Variants in KLF12 observed in about 807,000 individuals in gnomAD.
KLF12 encodes the protein KLF transcription factor 12.
Under a neutral mutation model 37.8 loss-of-function variants are expected in KLF12, and 9 were observed. The observed-to-expected ratio is 0.24, with a 90% CI of 0.14 to 0.42. KLF12 has a LOEUF of 0.42. Ranked by LOEUF, KLF12 falls within the 10% of genes least tolerant of loss-of-function variation. The pLI, the probability that KLF12 is intolerant of heterozygous loss-of-function variation, is 1.00. For synonymous variants in KLF12, 208 were observed against 202.1 expected (o/e 1.03, Z -0.25); for missense variants, 411 against 516.0 (o/e 0.80, Z 1.97).
At chr13:73,940,803 C>A (rs752058335) in intron 3 of KLF12, among the ~76,000 whole-genome samples, 2 of 152,084 alleles carry the variant, frequency 1.3e-5, no homozygotes, top group Non-Finnish European at 2.9e-5. Context: ...GAGAATGAGG[C>A]AAGGCAGCCA....
At chr13:73,856,619 C>T (rs1277759956) in intron 3 of KLF12, among the ~76,000 whole-genome samples, 1 of 152,042 alleles carries the variant, frequency 6.6e-6, no homozygotes, top group East Asian at 1.9e-4. Context: ...CATTCAACAT[C>T]TATCCCTAAC....
At chr13:74,246,956 T>G in the KLF12 span, among the ~76,000 whole-genome samples, 9 of 152,218 alleles carry the variant, frequency 5.9e-5, no homozygotes, top group Admixed American at 5.2e-4. Flanking sequence ...TGTAATTAAT[T>G]TAAAAAGAGA....
At chr13:74,120,316 T>C (rs1044373425) in intron 1 of KLF12, among the ~76,000 whole-genome samples, 2 of 152,096 alleles carry the variant, frequency 1.3e-5, no homozygotes. Flanking sequence ...ACCCTGTCTC[T>C]ACTAAAAATA....
intron 3 of KLF12, among the ~76,000 whole-genome samples, chr13:73,910,617 G>T (rs75638984): frequency 1.3e-5 from 2 of 152,250 alleles, no homozygotes; most frequent in African/African-American, 4.8e-5. Context: ...AGGATACAAA[G>T]TTTTAGATAA....
the KLF12 span, among the ~76,000 whole-genome samples, chr13:74,216,561 C>T: frequency 6.6e-6 from 1 of 152,174 alleles, no homozygotes; most frequent in Non-Finnish European, 1.5e-5. Context: ...CTTCTGCGTT[C>T]TTCAATTCTT....
At chr13:73,910,892 G>A (rs1888534823) in intron 3 of KLF12, among the ~76,000 whole-genome samples, 1 of 152,126 alleles carries the variant, frequency 6.6e-6, no homozygotes, top group African/African-American at 2.4e-5. Flanking sequence ...TTCATTAGAA[G>A]AGGAAGAGAC....
intron 1 of KLF12, among the ~76,000 whole-genome samples, chr13:74,052,371 C>T (rs1331848757): frequency 1.3e-5 from 2 of 152,110 alleles, no homozygotes; most frequent in African/African-American, 2.4e-5. Flanking sequence ...CTGAGAATTA[C>T]ATTTTAAAAT....
intron 2 of KLF12, among the ~76,000 whole-genome samples, chr13:73,956,260 A>G (rs1258126710): frequency 1.3e-5 from 2 of 152,226 alleles, no homozygotes; most frequent in African/African-American, 4.8e-5. Context: ...CATACCCAGG[A>G]AGTTTCTATT....
chr13:74,292,456 T>TTC, the KLF12 span, among the ~76,000 whole-genome samples: 3 of 143,644 alleles, frequency 2.1e-5, no homozygotes, highest in East Asian at 2.1e-4. Context: ...CTTTTTCTTT[T>TTC]TTTTTTTTTG....
chr13:74,135,313 G>A (rs1878504741), upstream of KLF12, among the ~76,000 whole-genome samples: 1 of 151,964 alleles, frequency 6.6e-6, no homozygotes, highest in African/African-American at 2.4e-5. Context: ...AGACCCCCGC[G>A]GGGCCCGGGG....
intron 3 of KLF12, among the ~76,000 whole-genome samples, chr13:73,877,829 C>T (rs569067790): frequency 6.6e-6 from 1 of 152,108 alleles, no homozygotes; most frequent in South Asian, 2.1e-4. Context: ...GGGTGGTTCC[C>T]CAGCAAAGGC....
chr13:74,286,396 G>A, the KLF12 span, among the ~76,000 whole-genome samples: 1 of 152,164 alleles, frequency 6.6e-6, no homozygotes, highest in Admixed American at 6.5e-5. Context: ...TGAAATTCAT[G>A]ACATTTCAAA....
At chr13:74,028,792 C>T (rs891668126) in intron 1 of KLF12, among the ~76,000 whole-genome samples, 1 of 151,064 alleles carries the variant, frequency 6.6e-6, no homozygotes, top group Non-Finnish European at 1.5e-5. Context: ...GGAATCACAT[C>T]ATTTTATAAG....
the KLF12 span, among the ~76,000 whole-genome samples, chr13:74,141,204 T>C: frequency 6.6e-6 from 1 of 152,342 alleles, no homozygotes; most frequent in South Asian, 2.1e-4. Context: ...CAACTTGCTA[T>C]TTTGAGGAAG....
chr13:73,902,675 T>C (rs1408341828), intron 3 of KLF12, among the ~76,000 whole-genome samples: 1 of 152,246 alleles, frequency 6.6e-6, no homozygotes, highest in African/African-American at 2.4e-5. Context: ...AATAATTCAC[T>C]GTTAAATCAC....
the KLF12 span, among the ~76,000 whole-genome samples, chr13:74,175,757 C>A: frequency 1.3e-5 from 2 of 152,124 alleles, no homozygotes; most frequent in Admixed American, 6.6e-5. Context: ...AGCAAAGGCA[C>A]CAGAGGGCTA....
the KLF12 span, among the ~76,000 whole-genome samples, chr13:74,304,055 A>C: frequency 6.6e-6 from 1 of 152,106 alleles, no homozygotes; most frequent in African/African-American, 2.4e-5. Context: ...CAGGCTAATG[A>C]GGGTGCATAA....
the KLF12 span, among the ~76,000 whole-genome samples, chr13:74,151,325 A>C: frequency 6.6e-6 from 1 of 152,182 alleles, no homozygotes; most frequent in Non-Finnish European, 1.5e-5. Flanking sequence ...GCATTTTGTC[A>C]GTGGATAAAA....
intron 1 of KLF12, among the ~76,000 whole-genome samples, chr13:73,999,411 T>C (rs1044490271): frequency 6.6e-6 from 1 of 152,122 alleles, no homozygotes; most frequent in Non-Finnish European, 1.5e-5. Context: ...ACACCTACTT[T>C]CTAGCATATA....
Sources: gnomAD v4.1 joint callset for allele counts (sites outside exome capture counted in the v4.1 genomes callset) on GRCh38, gnomAD v4.1.1 for gene constraint, MANE v1.5 for transcripts, NCBI Gene and HGNC (gene_info 2026-07-23, HGNC 2026-07-21) for gene names.